Variants in DLGAP2 observed in about 807,000 individuals in gnomAD.
DLGAP2 encodes disks large-associated protein 2.
DLGAP2 carries 26 observed loss-of-function variants against 100.3 expected under a neutral mutation model. The observed-to-expected ratio is 0.26, with a 90% CI of 0.19 to 0.36. DLGAP2 has a LOEUF of 0.36. Among genes scored for constraint, DLGAP2 ranks in the 10% least tolerant of loss-of-function variants. DLGAP2 has a pLI of 1.00. For missense variants in DLGAP2, 1,858 were observed against 1,453.2 expected (o/e 1.28, Z -4.53); for synonymous variants, 886 against 630.1 (o/e 1.41, Z -6.08).
chr8:1,418,254 G>A (rs1330955278), intron 3 of DLGAP2, among the ~76,000 whole-genome samples: 1 of 152,186 alleles, frequency 6.6e-6, no homozygotes, highest in Non-Finnish European at 1.5e-5. Flanking sequence ...GATATTGTAT[G>A]TGTAATAACT....
At chr8:787,422 A>G (rs1334928169) in intron 1 of DLGAP2, among the ~76,000 whole-genome samples, 2 of 152,106 alleles carry the variant, frequency 1.3e-5, no homozygotes, top group Admixed American at 6.5e-5. Flanking sequence ...AATATCTTCT[A>G]ACTTCTCTCC....
chr8:1,060,470 C>T (rs1803047076), intron 2 of DLGAP2, among the ~76,000 whole-genome samples: 1 of 151,352 alleles, frequency 6.6e-6, no homozygotes, highest in Admixed American at 6.6e-5. Context: ...GTCACCGACC[C>T]CTGCCCCTGC....
At chr8:1,441,836 G>T (rs2130069390) in intron 3 of DLGAP2, among the ~76,000 whole-genome samples, 1 of 151,410 alleles carries the variant, frequency 6.6e-6, no homozygotes, top group Non-Finnish European at 1.5e-5. Context: ...GGGATGTGCA[G>T]GACATGCAGG....
intron 3 of DLGAP2, among the ~76,000 whole-genome samples, chr8:1,275,485 G>T (rs1799664163): frequency 6.6e-6 from 1 of 151,870 alleles, no homozygotes; most frequent in East Asian, 1.9e-4. Context: ...TCATTCTCCA[G>T]TCAGACATCA....
intron 2 of DLGAP2, among the ~76,000 whole-genome samples, chr8:1,187,161 T>C (rs61384416): frequency 0.036 from 5,496 of 152,288 alleles, 137 homozygotes; most frequent in East Asian, 0.16. Context: ...AATTTAACAA[T>C]GGGGGCAATA....
chr8:1,155,066 C>A (rs1353751006), intron 2 of DLGAP2, among the ~76,000 whole-genome samples: 4 of 152,216 alleles, frequency 2.6e-5, no homozygotes, highest in African/African-American at 4.8e-5. Flanking sequence ...CAGCACCTCT[C>A]ACCCTGGCCA....
At chr8:1,680,415 A>G (rs1025250353) in intron 12 of DLGAP2, 13 of 152,258 alleles carry the variant, frequency 8.5e-5, no homozygotes, top group African/African-American at 2.7e-4. Flanking sequence ...GAGAAAATCA[A>G]TGGCGTGCTG....
At chr8:1,410,977 T>A (rs1395841422) in intron 3 of DLGAP2, among the ~76,000 whole-genome samples, 2 of 152,216 alleles carry the variant, frequency 1.3e-5, no homozygotes, top group African/African-American at 4.8e-5. Context: ...CATAGTGTTG[T>A]ACGTTACTTT....
chr8:1,371,130 T>C (rs540112264), intron 3 of DLGAP2, among the ~76,000 whole-genome samples: 2 of 152,370 alleles, frequency 1.3e-5, no homozygotes, highest in African/African-American at 4.8e-5. Flanking sequence ...CCCAGATGCA[T>C]GTGTCAGCTC....
At chr8:1,313,961 G>A (rs1030059610) in intron 3 of DLGAP2, among the ~76,000 whole-genome samples, 4 of 152,066 alleles carry the variant, frequency 2.6e-5, no homozygotes, top group Non-Finnish European at 5.9e-5. Context: ...TTGGTTATCA[G>A]ATTTTTAAAA....
chr8:1,158,375 G>C (rs1359656417), intron 2 of DLGAP2, among the ~76,000 whole-genome samples: 3 of 152,210 alleles, frequency 2.0e-5, no homozygotes, highest in Admixed American at 6.5e-5. Flanking sequence ...AATTCCCTCA[G>C]TAGACAGTGT....
At chr8:1,025,077 T>C (rs1324237788) in intron 2 of DLGAP2, among the ~76,000 whole-genome samples, 2 of 152,004 alleles carry the variant, frequency 1.3e-5, no homozygotes, top group Admixed American at 1.3e-4. Context: ...TGTGTGCATG[T>C]GTGTGTGCGC....
At chr8:1,486,098 G>A (rs189214580) in intron 3 of DLGAP2, among the ~76,000 whole-genome samples, 11 of 152,256 alleles carry the variant, frequency 7.2e-5, no homozygotes, top group Admixed American at 2.6e-4. Context: ...CTCGCGTCCC[G>A]TGCTCTGCCA....
rs562138258 is a variant in DLGAP2 at position 1,243,962 on chromosome 8, G to T, written c.74-14889G>T. ...GTCCTCATCTACCTTCCAGCTCCCA[G>T]CCTCCGCACTCCACCATAGGGATGG... is the stretch of plus-strand genomic sequence containing the variant. On this transcript the variant is annotated intron_variant, in intron 2 of 14. Coordinates refer to ENST00000637795, the MANE Select transcript of DLGAP2 (RefSeq NM_001346810.2). 4.6e-5 allele frequency among the ~76,000 whole-genome samples: 7 copies of T among 152,204 alleles called. No individual in the cohort carries two copies. The East Asian group carries it at 1.4e-3, about 29-fold the overall frequency.
chr8:948,739 G>A (rs1224751373), intron 2 of DLGAP2, among the ~76,000 whole-genome samples: 1 of 152,260 alleles, frequency 6.6e-6, no homozygotes, highest in African/African-American at 2.4e-5. Flanking sequence ...CACTGCCCCT[G>A]GGGCTGAGTG....
intron 6 of DLGAP2, among the ~76,000 whole-genome samples, chr8:1,568,496 T>C (rs1802510413): frequency 1.4e-5 from 2 of 140,996 alleles, no homozygotes; most frequent in East Asian, 2.3e-4. Context: ...TCTCTGCCCG[T>C]GGCCCCCATG....
chr8:1,146,483 T>A (rs1796607051), intron 2 of DLGAP2, among the ~76,000 whole-genome samples: 2 of 152,244 alleles, frequency 1.3e-5, no homozygotes, highest in Non-Finnish European at 2.9e-5. Flanking sequence ...ATATTATCCT[T>A]TGTAGTTAGA....
chr8:1,358,455 C>G (rs916730170), intron 3 of DLGAP2, among the ~76,000 whole-genome samples: 1 of 152,116 alleles, frequency 6.6e-6, no homozygotes, highest in Non-Finnish European at 1.5e-5. Flanking sequence ...AGCTGTTTCT[C>G]CACACTCACA....
chr8:1,357,915 C>A (rs924068519), intron 3 of DLGAP2, among the ~76,000 whole-genome samples: 39 of 152,284 alleles, frequency 2.6e-4, no homozygotes, highest in African/African-American at 9.4e-4. Context: ...TGTTGGCTCC[C>A]CACACTGTGA....
Sources: gnomAD v4.1 joint callset for allele counts (sites outside exome capture counted in the v4.1 genomes callset) on GRCh38, gnomAD v4.1.1 for gene constraint, MANE v1.5 for transcripts, NCBI Gene and HGNC (gene_info 2026-07-23, HGNC 2026-07-21) for gene names.